Variants in ZEB2 observed in about 807,000 individuals in gnomAD.
ZEB2 encodes zinc finger E-box-binding homeobox 2.
A neutral mutation model predicts 99.9 loss-of-function variants in ZEB2; 6 were observed. The ratio of observed to expected loss-of-function variants is 0.06; its 90% CI spans 0.03 to 0.12. ZEB2 has a LOEUF of 0.12. Ranked by LOEUF, ZEB2 falls within the 10% of genes least tolerant of loss-of-function variation. The pLI is 1.00. For missense variants in ZEB2, 969 were observed against 1,502.8 expected (o/e 0.64, Z 5.87); for synonymous variants, 517 against 542.5 (o/e 0.95, Z 0.65).
chr2:144,514,007 G>T, intron 2 of ZEB2: 1 of 881,246 alleles, frequency 1.1e-6, no homozygotes, highest in Non-Finnish European at 1.6e-6. Context: ...CTTTCCTCCT[G>T]CACATCTTAT....
chr2:144,438,470 TA>T (rs1255402826), intron 2 of ZEB2, among the ~76,000 whole-genome samples: 1 of 151,594 alleles, frequency 6.6e-6, no homozygotes, highest in Non-Finnish European at 1.5e-5. Context: ...TGGCTCGAAG[TA>T]GGGGGGCTGG....
In ZEB2 at chr2:144,505,262, G is replaced by T. The variant is rs1182767193; in HGVS notation, c.73+12016C>A. Reference sequence around the variant, plus strand: ...TTTGGATTTTTTAAGGCAAAATTTTGTCTGTGTTGCACAATGTAATAGCTT... The same window carrying T: ...TTTGGATTTTTTAAGGCAAAATTTTTTCTGTGTTGCACAATGTAATAGCTT... On this transcript the variant is annotated intron_variant, in intron 2 of 9. Transcript: ENST00000627532. Among the ~76,000 whole-genome samples, 11 of 151,506 alleles carry T rather than the reference G, an allele frequency of 7.3e-5. No individual in the cohort carries two copies. The South Asian group carries it at 2.3e-3, about 32-fold the overall frequency.
At position 144,400,066 on chromosome 2, in the gene ZEB2, T is replaced by C; in HGVS notation, c.1121A>G (p.Glu374Gly). 1 of 1,613,628 alleles carries C rather than the reference T, an allele frequency of 6.2e-7. No individual in the cohort carries two copies. Among genetic ancestry groups the C allele is most frequent in the South Asian group, 1.1e-5 (1 of 91,088 alleles). ...AGACATACTAAGTGGTTTTCCATTC[T>C]CCAACTTGTTTCTTAACTGGGTAAT... ...SAITQLRNKL[E>G]NGKPLSMSEQ... is the part of the protein sequence containing the mutation. Residue 374 changes from glutamate to glycine, a missense_variant, in exon 8 of 10, where the codon GAG (glutamate) becomes GGG (glycine). Glu to Gly is a moderately conservative substitution (Grantham distance 98, BLOSUM62 -2). This residue lies in a region of ZEB2 where 227 missense variants were observed against 278.2 expected (regional missense o/e 0.82). Transcript: ENST00000627532.
chr2:144,513,491 T>C, intron 2 of ZEB2: 1 of 1,520,014 alleles, frequency 6.6e-7, no homozygotes, highest in African/African-American at 1.4e-5. Flanking sequence ...TCCTCCTAAT[T>C]CAGTTTTTCT....
intron 3 of ZEB2, chr2:144,428,614 G>A (rs1377064321): frequency 6.6e-6 from 1 of 152,118 alleles, no homozygotes; most frequent in Non-Finnish European, 1.5e-5. Context: ...TTAGGAAAAC[G>A]AAAAACAAAT....
intron 2 of ZEB2, among the ~76,000 whole-genome samples, chr2:144,503,088 A>G (rs1317872901): frequency 1.3e-5 from 2 of 152,308 alleles, no homozygotes; most frequent in East Asian, 1.9e-4. Context: ...TCCTAATAAG[A>G]CTTTTAAAGA....
At chr2:144,487,407 T>C (rs1704613823) in intron 2 of ZEB2, among the ~76,000 whole-genome samples, 1 of 152,164 alleles carries the variant, frequency 6.6e-6, no homozygotes, top group Admixed American at 6.6e-5. Context: ...TTGTGGTAGA[T>C]TTTTGAAAAG....
intron 4 of ZEB2, among the ~76,000 whole-genome samples, chr2:144,409,916 T>C (rs999037397): frequency 6.6e-6 from 1 of 150,444 alleles, no homozygotes; most frequent in Non-Finnish European, 1.5e-5. Context: ...AGTTGTTGTT[T>C]TTTTTTTTTT....
At chr2:144,435,268 T>C (rs6430058) in intron 2 of ZEB2, among the ~76,000 whole-genome samples, 151,643 of 152,256 alleles carry the variant, frequency 1, 75,519 homozygotes, top group East Asian at 1. Flanking sequence ...GACATGTAAC[T>C]TCATTTTAAA....
chr2:144,404,240 C>A lies in ZEB2; in HGVS notation c.593-110G>T. 7 of 1,218,962 alleles carry A rather than the reference C, an allele frequency of 5.7e-6. No homozygotes were observed. The South Asian group carries it at 6.4e-5, about 11-fold the overall frequency. The allele number at this position is 1,218,962 out of a possible 1,614,324, so 75.5% of individuals were successfully genotyped here. ...GTATGACAGGAATCACTGCAATCTG[C>A]TCCACAGAGTGCCATCATTGCACCC... On this transcript the variant is annotated intron_variant, in intron 5 of 9. Coordinates refer to ENST00000627532, the MANE Select transcript of ZEB2 (RefSeq NM_014795.4).
intron 2 of ZEB2, chr2:144,470,634 C>T (rs1387908404): frequency 2.0e-5 from 3 of 151,990 alleles, no homozygotes; most frequent in Admixed American, 2.0e-4. Context: ...GGTTATTAAC[C>T]CTATCACCAC....
intron 2 of ZEB2, among the ~76,000 whole-genome samples, chr2:144,438,475 G>A (rs983353627): frequency 1.3e-5 from 2 of 151,778 alleles, no homozygotes; most frequent in Non-Finnish European, 2.9e-5. Flanking sequence ...CGAAGTAGGG[G>A]GGCTGGAGAT....
At chr2:144,402,105 A>T (rs1703319678) in intron 6 of ZEB2, among the ~76,000 whole-genome samples, 2 of 152,162 alleles carry the variant, frequency 1.3e-5, no homozygotes, top group Admixed American at 1.3e-4. Flanking sequence ...AAAAGGAAAA[A>T]AAGTTTCCTG....
chr2:144,457,344 G>A (rs923667155), intron 2 of ZEB2, among the ~76,000 whole-genome samples: 1 of 152,120 alleles, frequency 6.6e-6, no homozygotes, highest in African/African-American at 2.4e-5. Flanking sequence ...ATCACCTCGT[G>A]TTAGAATCTG....
intron 2 of ZEB2, among the ~76,000 whole-genome samples, chr2:144,515,424 A>G (rs1334090116): frequency 1.3e-5 from 2 of 152,036 alleles, no homozygotes; most frequent in Admixed American, 6.5e-5. Flanking sequence ...TTTAGTGTCT[A>G]CTAAATTACT....
intron 2 of ZEB2, among the ~76,000 whole-genome samples, chr2:144,500,659 T>C (rs1308511513): frequency 6.6e-6 from 1 of 152,106 alleles, no homozygotes. Context: ...ATCAAAACAA[T>C]GGGCTTTCCA....
chr2:144,389,158 C>A lies in ZEB2; in HGVS notation c.*293G>T. 1.7e-6 allele frequency: 1 copy of A among 577,332 alleles called. No individual in the cohort carries two copies. The highest frequency in any genetic ancestry group is 3.0e-6 in the Non-Finnish European group (1 of 329,604). 35.8% of individuals were successfully genotyped at this position (577,332 alleles called of 1,614,324 possible). A position where few individuals can be genotyped will look rare whatever the true frequency, so the allele number is the denominator to read the frequency against. ...ATACATAAGTAGAGTGCAATTCTTACAATTTTCTAGTTGTGCTTAAAGTAT... is the reference window on the plus strand; with the variant it reads ...ATACATAAGTAGAGTGCAATTCTTAAAATTTTCTAGTTGTGCTTAAAGTAT... On this transcript the variant is annotated 3_prime_UTR_variant, in exon 10 of 10. Coordinates refer to ENST00000627532, the MANE Select transcript of ZEB2 (RefSeq NM_014795.4). The surrounding 1 kb of genome is among the most constrained non-coding windows in gnomAD (Gnocchi z 6.8).
rs1231355251 is a variant in ZEB2, at chr2:144,384,753, A to T, written c.*4698T>A. 1.3e-5 allele frequency: 2 copies of T among 152,094 alleles called. No individual in the cohort carries two copies. Among genetic ancestry groups the T allele is most frequent in the Non-Finnish European group, 2.9e-5 (2 of 67,998 alleles). The allele number at this position is 152,094 out of a possible 1,614,324, so 9.4% of individuals were successfully genotyped here. On this transcript the variant is annotated 3_prime_UTR_variant, in exon 10 of 10. Transcript: ENST00000627532. ...AAAGATTTAAACAGCCAACATCACA[A>T]ATGTCTCAAGTTCTAAAAAAAAATC...
At chr2:144,443,061 GTTTT>G (rs1424030650) in intron 2 of ZEB2, among the ~76,000 whole-genome samples, 3 of 152,090 alleles carry the variant, frequency 2.0e-5, no homozygotes, top group Non-Finnish European at 4.4e-5. Context: ...CAAGGCCTGT[GTTTT>G]TATTCAAACT....
Sources: allele counts gnomAD v4.1 joint callset (sites outside exome capture counted in the v4.1 genomes callset), GRCh38; gene constraint gnomAD v4.1.1; regional missense constraint gnomAD v4.1.1; non-coding constraint Gnocchi (gnomAD v3.1); transcripts MANE v1.5; gene names NCBI Gene and HGNC (gene_info 2026-07-23, HGNC 2026-07-21).